GRM7: variants seen among roughly 807,000 people sequenced by gnomAD.
GRM7 encodes the protein glutamate metabotropic receptor 7.
A neutral mutation model predicts 84.5 loss-of-function variants in GRM7; 35 were observed. That is an observed-to-expected ratio of 0.41 (90% CI 0.32 to 0.55). The LOEUF (loss-of-function observed/expected upper bound fraction) is 0.55. Ranked by LOEUF, GRM7 falls within the 20% of genes least tolerant of loss-of-function variation. The pLI is 0.19. For synonymous variants in GRM7, 487 were observed against 455.1 expected (o/e 1.07, Z -0.89); for missense variants, 1,003 against 1,194.6 (o/e 0.84, Z 2.36).
chr3:7,692,172 G>A (rs1385109390), intron 9 of GRM7, among the ~76,000 whole-genome samples: 2 of 152,130 alleles, frequency 1.3e-5, no homozygotes, highest in Non-Finnish European at 2.9e-5. Context: ...GAAATTGAGA[G>A]AGAAGGCTAT....
At chr3:7,509,469 A>C (rs555736667) in intron 7 of GRM7, among the ~76,000 whole-genome samples, 1 of 152,226 alleles carries the variant, frequency 6.6e-6, no homozygotes, top group Non-Finnish European at 1.5e-5. Flanking sequence ...TATCCTCTGC[A>C]GATAAGGAGG....
At chr3:7,384,950 TG>T (rs1405944550) in intron 4 of GRM7, among the ~76,000 whole-genome samples, 8 of 152,332 alleles carry the variant, frequency 5.3e-5, no homozygotes, top group African/African-American at 1.9e-4. Flanking sequence ...AAACAATAGA[TG>T]TAATACTGGA....
chr3:7,634,551 C>T (rs1269714118), intron 8 of GRM7, among the ~76,000 whole-genome samples: 22 of 135,246 alleles, frequency 1.6e-4, no homozygotes, highest in Admixed American at 5.6e-4. Context: ...TTTGGGAGGC[C>T]GAGGCGGGTG....
chr3:7,165,447 T>C (rs1694770601), intron 2 of GRM7, among the ~76,000 whole-genome samples: 1 of 152,240 alleles, frequency 6.6e-6, no homozygotes, highest in Admixed American at 6.5e-5. Context: ...TCTGAAAATA[T>C]ATTTTATGTG....
intron 5 of GRM7, among the ~76,000 whole-genome samples, chr3:7,430,326 G>C (rs921839458): frequency 2.6e-5 from 4 of 152,142 alleles, no homozygotes; most frequent in African/African-American, 4.8e-5. Context: ...TAAGATGTTT[G>C]GCAAGGAGAG....
chr3:6,947,498 A>G (rs1285895751), intron 1 of GRM7, among the ~76,000 whole-genome samples: 1 of 152,160 alleles, frequency 6.6e-6, no homozygotes, highest in Non-Finnish European at 1.5e-5. Flanking sequence ...CGTCAAGGAT[A>G]TTGGTCTAAA....
intron 4 of GRM7, among the ~76,000 whole-genome samples, chr3:7,338,133 C>G (rs1300460145): frequency 6.6e-6 from 1 of 151,198 alleles, no homozygotes; most frequent in Non-Finnish European, 1.5e-5. Context: ...CACACACACA[C>G]ACACACACAC....
In GRM7 at chr3:7,271,458, C is replaced by G. The variant is rs377673183; in HGVS notation, c.737-27226C>G. 5.8e-4 allele frequency among the ~76,000 whole-genome samples: 87 copies of G among 149,836 alleles called. 5 individuals carry two copies. In the South Asian group the frequency reaches 0.014, roughly 24 times the overall value. ...CCTGTAGTCCCAGCTACTCGGGAGGCTGAGGCAGGAGAATGGCGTGAACCC... is the reference window on the plus strand; with the variant it reads ...CCTGTAGTCCCAGCTACTCGGGAGGGTGAGGCAGGAGAATGGCGTGAACCC... On this transcript the variant is annotated intron_variant, in intron 2 of 9. Coordinates refer to ENST00000357716, the MANE Select transcript of GRM7 (RefSeq NM_000844.4).
intron 4 of GRM7, among the ~76,000 whole-genome samples, chr3:7,341,544 A>G (rs1183159521): frequency 6.6e-6 from 1 of 152,122 alleles, no homozygotes; most frequent in East Asian, 1.9e-4. Flanking sequence ...CTCTCTTACA[A>G]GAGCTTGCAG....
At chr3:7,725,313 T>G (rs1007195998) in intron 9 of GRM7, among the ~76,000 whole-genome samples, 1 of 152,104 alleles carries the variant, frequency 6.6e-6, no homozygotes, top group Non-Finnish European at 1.5e-5. Flanking sequence ...CTGGAACAGA[T>G]AGTTAGAGGG....
intron 2 of GRM7, among the ~76,000 whole-genome samples, chr3:7,234,268 C>A (rs1432189075): frequency 6.6e-6 from 1 of 152,078 alleles, no homozygotes; most frequent in Non-Finnish European, 1.5e-5. Context: ...AAAACATGTA[C>A]CTGTCTCTTT....
chr3:7,287,794 T>C (rs965441334), intron 2 of GRM7, among the ~76,000 whole-genome samples: 1 of 152,094 alleles, frequency 6.6e-6, no homozygotes, highest in Non-Finnish European at 1.5e-5. Context: ...TTTCAAGTCT[T>C]AAGAGAGGTA....
chr3:7,250,241 A>G (rs958393808), intron 2 of GRM7, among the ~76,000 whole-genome samples: 6 of 152,196 alleles, frequency 3.9e-5, no homozygotes, highest in African/African-American at 1.2e-4. Flanking sequence ...CTTGTCCTAT[A>G]TGCAATTTCC....
intron 8 of GRM7, among the ~76,000 whole-genome samples, chr3:7,613,226 A>G (rs1217440979): frequency 1.3e-5 from 2 of 152,180 alleles, no homozygotes; most frequent in Non-Finnish European, 2.9e-5. Context: ...TAGATAGTAA[A>G]CATATAAATA....
intron 9 of GRM7, among the ~76,000 whole-genome samples, chr3:7,721,852 C>T (rs1222662177): frequency 6.6e-6 from 1 of 152,166 alleles, no homozygotes; most frequent in Admixed American, 6.5e-5. Flanking sequence ...TTGGCAATTC[C>T]CTGCTTTCCC....
intron 1 of GRM7, among the ~76,000 whole-genome samples, chr3:6,902,948 A>G (rs1237184270): frequency 6.6e-6 from 1 of 152,028 alleles, no homozygotes; most frequent in Non-Finnish European, 1.5e-5. Flanking sequence ...CAGATGGACT[A>G]TTATTTACTT....
Position 6,861,666 on chromosome 3 carries a change from C to T in GRM7, c.278C>T (p.Pro93Leu), listed in dbSNP as rs1264339637. Residue 93 changes from proline to leucine, a missense_variant, in exon 1 of 10, where the codon CCC becomes CTC. Around this residue, in one of 2 missense-constraint regions of GRM7, gnomAD observed 910 missense variants for 1,126.0 expected, o/e 0.81. Coordinates refer to ENST00000357716, the MANE Select transcript of GRM7 (RefSeq NM_000844.4). This position sits in a 1 kb window ranked among gnomAD's most constrained non-coding sequence, Gnocchi z 6.4. ...LYALDQINSDPNLLPNVTLGA... is the reference protein window; with the variant it reads ...LYALDQINSDLNLLPNVTLGA... ...GCCCTGGACCAGATCAACAGTGATC[C>T]CAACCTACTGCCCAACGTGACGCTG... The T allele has an allele frequency of 1.2e-6, 2 of 1,613,892 alleles. No individual in the cohort carries two copies. The highest frequency in any genetic ancestry group is 2.2e-5 in the East Asian group (1 of 44,838).
chr3:7,223,696 A>T (rs1293073784), intron 2 of GRM7, among the ~76,000 whole-genome samples: 2 of 152,208 alleles, frequency 1.3e-5, no homozygotes, highest in Non-Finnish European at 2.9e-5. Flanking sequence ...TCCTATGCTT[A>T]TATCATTCTC....
At chr3:7,480,524 C>A (rs1478183258) in intron 7 of GRM7, among the ~76,000 whole-genome samples, 2 of 152,172 alleles carry the variant, frequency 1.3e-5, no homozygotes, top group Non-Finnish European at 1.5e-5. Flanking sequence ...CCCATAATAT[C>A]CACCCCACCA....
Sources: gnomAD v4.1 joint callset for allele counts (sites outside exome capture counted in the v4.1 genomes callset) on GRCh38, gnomAD v4.1.1 for gene constraint, gnomAD v4.1.1 regional missense constraint, Gnocchi (gnomAD v3.1) non-coding constraint, MANE v1.5 for transcripts, NCBI Gene and HGNC (gene_info 2026-07-23, HGNC 2026-07-21) for gene names.